The following TRIM66 variants were observed in gnomAD, a reference collection of about 807,000 sequenced individuals.
TRIM66 encodes tripartite motif containing 66.
Under a neutral mutation model 148.2 loss-of-function variants are expected in TRIM66, and 99 were observed. That is an observed-to-expected ratio of 0.67 (90% CI 0.57 to 0.79). The LOEUF (loss-of-function observed/expected upper bound fraction) is 0.79, where lower values mean the gene tolerates loss of function less well. TRIM66 is among the 30% of genes least tolerant of loss of function. The pLI is 0.00. For synonymous variants in TRIM66, 616 were observed against 635.9 expected (o/e 0.97, Z 0.47); for missense variants, 1,666 against 1,697.9 (o/e 0.98, Z 0.33).
At chr11:8,682,813 C>G (rs754250435), upstream of TRIM66, 13 of 1,612,874 alleles carry the variant, frequency 8.1e-6, no homozygotes, top group African/African-American at 1.3e-5. Flanking sequence ...GGGCTGCCAA[C>G]ATGGTAGGTG....
At chr11:8,649,637 T>TC in intron 8 of TRIM66, 103 bp downstream of exon 8, 2 of 1,435,346 alleles carry the variant, frequency 1.4e-6, no homozygotes, top group Non-Finnish European at 1.9e-6. Context: ...CCCTACCTTC[T>TC]CCCCCAGCAA....
In TRIM66 at chr11:8,631,339, G is replaced by A. The variant is rs532604681; in HGVS notation, c.2311-6111C>T. On this transcript the variant is annotated intron_variant, in intron 15 of 24. Transcript: ENST00000646038. ...ATAATATTGCTGGGGATAAAGTAAT[G>A]CAGATAGGGTGGTGTTCCACATAAA... Among the ~76,000 whole-genome samples, 46 of 152,330 alleles carry A rather than the reference G, an allele frequency of 3.0e-4. 1 individual carries two copies. The South Asian group carries it at 7.0e-3, about 23-fold the overall frequency.
chr11:8,618,097 A>G, intron 24 of TRIM66, 94 bp from the exon 25 acceptor site: 2 of 1,221,396 alleles, frequency 1.6e-6, no homozygotes, highest in Non-Finnish European at 2.3e-6. Flanking sequence ...CTGCCAAGTC[A>G]ACGTATTTTA....
chr11:8,623,964 G>C (rs1423953888), intron 17 of TRIM66, among the ~76,000 whole-genome samples: 3 of 152,148 alleles, frequency 2.0e-5, no homozygotes, highest in African/African-American at 7.2e-5. Context: ...TATCTTACCC[G>C]GGATCACAGG....
intron 6 of TRIM66, among the ~76,000 whole-genome samples, chr11:8,662,891 T>G (rs1189793900): frequency 6.6e-6 from 1 of 152,170 alleles, no homozygotes; most frequent in Non-Finnish European, 1.5e-5. Context: ...AGAGTCAGTT[T>G]CAGGGATGTT....
At chr11:8,683,222 C>T (rs779824142), upstream of TRIM66, 2 of 1,614,248 alleles carry the variant, frequency 1.2e-6, no homozygotes, top group Admixed American at 3.3e-5. Context: ...TGAGGAAGAC[C>T]CGGAAACTTA....
At chr11:8,622,302 T>G (rs540249215) in intron 18 of TRIM66, among the ~76,000 whole-genome samples, 77 of 140,594 alleles carry the variant, frequency 5.5e-4, no homozygotes, top group Admixed American at 9.4e-4. Flanking sequence ...TATATATATA[T>G]GTGTGTGTGT....
chr11:8,644,438 CA>C, intron 12 of TRIM66: 1 of 451,800 alleles, frequency 2.2e-6, no homozygotes, highest in East Asian at 7.0e-5. Context: ...TCCTATTTCA[CA>C]GAGAAAAAAA....
chr11:8,628,636 A>AAAAAAAAG (rs1555042270), intron 15 of TRIM66, among the ~76,000 whole-genome samples: 2 of 93,392 alleles, frequency 2.1e-5, no homozygotes, highest in East Asian at 2.8e-4. Flanking sequence ...AAAAAAAAAA[A>AAAAAAAAG]AGAGAGAGAA....
chr11:8,633,132 G>C, intron 15 of TRIM66, among the ~76,000 whole-genome samples: 1 of 152,206 alleles, frequency 6.6e-6, no homozygotes, highest in East Asian at 1.9e-4. Flanking sequence ...GCCCAGGCCA[G>C]TGTAGGAAAC....
At chr11:8,669,470 C>A (rs575331638) in intron 6 of TRIM66, among the ~76,000 whole-genome samples, 11 of 152,164 alleles carry the variant, frequency 7.2e-5, no homozygotes, top group African/African-American at 2.7e-4. Flanking sequence ...ATGGCGAAAC[C>A]CTGTCTCTAC....
At chr11:8,682,803 G>C, upstream of TRIM66, 1 of 1,613,300 alleles carries the variant, frequency 6.2e-7, no homozygotes, top group Non-Finnish European at 8.5e-7. Context: ...TTTTTCGTCT[G>C]GGCTGCCAAC....
intron 1 of TRIM66, chr11:8,680,604 AAGG>A (rs1224822448): frequency 1.3e-5 from 2 of 152,370 alleles, no homozygotes; most frequent in Admixed American, 1.3e-4. Context: ...ACAGAGAATA[AAGG>A]AGAAGGCACC....
chr11:8,619,281 C>T, intron 23 of TRIM66, 102 bp downstream of exon 23: 1 of 1,351,052 alleles, frequency 7.4e-7, no homozygotes, highest in Non-Finnish European at 9.9e-7. Flanking sequence ...CTCCCCAGTC[C>T]TCATGGCAGC....
At chr11:8,626,909 A>G (rs1156456105) in intron 15 of TRIM66, among the ~76,000 whole-genome samples, 1 of 151,982 alleles carries the variant, frequency 6.6e-6, no homozygotes, top group Non-Finnish European at 1.5e-5. Context: ...TCCACCCACT[A>G]TCCTCACCCC....
In TRIM66 at chr11:8,616,725, T is replaced by TC. The variant is rs1256144755; in HGVS notation, c.*1218dup. The TC allele has an allele frequency of 2.0e-5, 3 of 152,214 alleles. No homozygotes were observed. The highest frequency in any genetic ancestry group is 2.9e-5 in the Non-Finnish European group (2 of 68,094). The allele number at this position is 152,214 out of a possible 1,614,324, so 9.4% of individuals were successfully genotyped here. On this transcript the variant is annotated 3_prime_UTR_variant, in exon 25 of 25. Coordinates refer to ENST00000646038, the MANE Select transcript of TRIM66 (RefSeq NM_001388022.1). Reference sequence around the variant, plus strand: ...CACTGGCTTTTTGCCTCTTGATTTTTCCCCCTGTCCACCTTAGACAAACTT... The same window carrying TC: ...CACTGGCTTTTTGCCTCTTGATTTTTCCCCCCTGTCCACCTTAGACAAACTT...
chr11:8,673,529 G>T (rs1023890756), intron 4 of TRIM66, among the ~76,000 whole-genome samples: 1 of 152,144 alleles, frequency 6.6e-6, no homozygotes, highest in Non-Finnish European at 1.5e-5. Context: ...GGCACAAAAT[G>T]ATGCATGTTT....
At chr11:8,625,904 A>G (rs2034800859) in intron 15 of TRIM66, among the ~76,000 whole-genome samples, 1 of 152,216 alleles carries the variant, frequency 6.6e-6, no homozygotes, top group African/African-American at 2.4e-5. Flanking sequence ...GGCTTTAACC[A>G]AGATATTTGA....
At chr11:8,641,289 C>A in intron 13 of TRIM66, 137 bp from the exon 14 acceptor site, 1 of 788,072 alleles carries the variant, frequency 1.3e-6, no homozygotes, top group Non-Finnish European at 2.0e-6. Context: ...AACCCTTGAT[C>A]TCCTAGACTC....
Sources: gnomAD v4.1 joint callset for allele counts (sites outside exome capture counted in the v4.1 genomes callset) on GRCh38, gnomAD v4.1.1 for gene constraint, MANE v1.5 for transcripts, NCBI Gene and HGNC (gene_info 2026-07-23, HGNC 2026-07-21) for gene names.